Variants in ATG7 observed in about 807,000 individuals in gnomAD.
ATG7 encodes autophagy related 7, also known as ubiquitin-like modifier-activating enzyme ATG7.
In ATG7, 70 loss-of-function variants were observed where a neutral mutation model predicts 82.4. That is an observed-to-expected ratio of 0.85 (90% CI 0.70 to 1.04). The LOEUF is 1.04. ATG7 is among the 50% of genes least tolerant of loss of function. The pLI is 0.00. For synonymous variants in ATG7, 287 were observed against 313.0 expected (o/e 0.92, Z 0.88); for missense variants, 792 against 864.3 (o/e 0.92, Z 1.05).
intron 9 of ATG7, among the ~76,000 whole-genome samples, chr3:11,329,245 G>A (rs1316550714): frequency 1.3e-5 from 2 of 152,126 alleles, no homozygotes; most frequent in African/African-American, 4.8e-5. Context: ...AGGATGGTGG[G>A]GTTATGGGTA....
At chr3:11,476,425 T>TC (rs1222776907) in intron 20 of ATG7, among the ~76,000 whole-genome samples, 1 of 151,370 alleles carries the variant, frequency 6.6e-6, no homozygotes, top group African/African-American at 2.4e-5. Flanking sequence ...TTTCTTTTTT[T>TC]TTTTTTTTGG....
intron 19 of ATG7, among the ~76,000 whole-genome samples, chr3:11,415,555 AT>A (rs1459628222): frequency 6.6e-6 from 1 of 152,094 alleles, no homozygotes; most frequent in Non-Finnish European, 1.5e-5. Flanking sequence ...TCCTTTAAAA[AT>A]TTTTATTTTA....
At chr3:11,309,982 T>C (rs1158980575) in intron 7 of ATG7, among the ~76,000 whole-genome samples, 3 of 152,074 alleles carry the variant, frequency 2.0e-5, no homozygotes. Context: ...GAGACCAGCC[T>C]GGGCAACACC....
At chr3:11,362,669 A>G in intron 16 of ATG7, 144 bp from the exon 17 acceptor site, 1 of 601,784 alleles carries the variant, frequency 1.7e-6, no homozygotes, top group East Asian at 3.0e-5. Context: ...TCAAGAAATG[A>G]TGTACTTGAG....
intron 19 of ATG7, among the ~76,000 whole-genome samples, chr3:11,391,949 T>G (rs2078834045): frequency 1.0e-5 from 1 of 98,632 alleles, no homozygotes; most frequent in African/African-American, 3.9e-5. Flanking sequence ...AGAATTCCAT[T>G]GTACTTATTG....
At chr3:11,409,705 A>T (rs1012631453) in intron 19 of ATG7, among the ~76,000 whole-genome samples, 7 of 151,234 alleles carry the variant, frequency 4.6e-5, no homozygotes, top group African/African-American at 9.7e-5. Context: ...TTTGTGTTTT[A>T]TATGTAGGTA....
chr3:11,457,436 A>G (rs751714884), intron 20 of ATG7, among the ~76,000 whole-genome samples: 4 of 152,206 alleles, frequency 2.6e-5, no homozygotes, highest in Non-Finnish European at 5.9e-5. Context: ...GGGAATTTCA[A>G]GTGAAAGATA....
intron 20 of ATG7, among the ~76,000 whole-genome samples, chr3:11,498,839 G>C (rs565632423): frequency 1.1e-3 from 168 of 152,138 alleles, no homozygotes; most frequent in Non-Finnish European, 1.0e-3. Flanking sequence ...CCTTCTCTCT[G>C]AACTCCTGAA....
intron 20 of ATG7, among the ~76,000 whole-genome samples, chr3:11,475,834 T>C (rs1286707434): frequency 1.3e-5 from 2 of 148,862 alleles, no homozygotes; most frequent in Non-Finnish European, 3.0e-5. Flanking sequence ...ATTTCTTAAC[T>C]TTGGTTCGTC....
At chr3:11,329,880 G>A (rs1222332162) in intron 9 of ATG7, among the ~76,000 whole-genome samples, 1 of 152,198 alleles carries the variant, frequency 6.6e-6, no homozygotes, top group Non-Finnish European at 1.5e-5. Flanking sequence ...TCAGGATCCA[G>A]TCCAGGATAC....
At position 11,379,991 on chromosome 3, in the gene ATG7, G is replaced by C. The variant is rs866013637; in HGVS notation, c.1895G>C (p.Arg632Pro). The change falls in exon 19 of 21, where the codon CGG becomes CCG. Residue 632 changes from arginine to proline, a missense_variant. By Grantham distance (103) the Arg-to-Pro change is moderately radical. Coordinates refer to ENST00000693202, the MANE Select transcript of ATG7 (RefSeq NM_001349232.2). ...TTTTAGATCCGGGGATTTCTTTCAC[G>C]GTTTGATAATGTCCTTCCCGTCAGC... ...VPHQIRGFLS[R>P]FDNVLPVSLA... The C allele has an allele frequency of 6.2e-7, 1 of 1,614,076 alleles. No individual in the cohort carries two copies. Among genetic ancestry groups the C allele is most frequent in the African/African-American group, 1.3e-5 (1 of 75,036 alleles).
At chr3:11,446,823 A>ACT (rs1193987127) in intron 20 of ATG7, 2 of 182,590 alleles carry the variant, frequency 1.1e-5, no homozygotes, top group Non-Finnish European at 2.3e-5. Flanking sequence ...GGTCTCCTGG[A>ACT]CTGGGCCATG....
At chr3:11,532,154 A>G (rs2092705498) in intron 20 of ATG7, among the ~76,000 whole-genome samples, 1 of 152,192 alleles carries the variant, frequency 6.6e-6, no homozygotes, top group East Asian at 1.9e-4. Context: ...CCTAAGAGTC[A>G]AAAGAAGATT....
rs2072273691 is a variant in ATG7, at chr3:11,555,060, CT to C, written c.*219del. The C allele has an allele frequency of 1.8e-6, 1 of 570,948 alleles. No individual in the cohort carries two copies. Among genetic ancestry groups the C allele is most frequent in the East Asian group, 3.1e-5 (1 of 31,920 alleles). The allele number at this position is 570,948 out of a possible 1,614,324, so 35.4% of individuals were successfully genotyped here. On this transcript the variant is annotated 3_prime_UTR_variant, in exon 21 of 21. Transcript: ENST00000693202. ...TTCAGAGCTAAATAATAACCTTGGC[CT>C]TGGCCTTGCTATTGACCTGGGACTT... is the stretch of plus-strand genomic sequence containing the variant.
At position 11,384,998 on chromosome 3, in the gene ATG7, T is replaced by C. The variant is rs1575927508; in HGVS notation, c.1956+4946T>C. Among the ~76,000 whole-genome samples, 3 of 152,144 alleles carry C rather than the reference T, an allele frequency of 2.0e-5. No homozygotes were observed. The South Asian group carries it at 6.2e-4, about 32-fold the overall frequency. The stretch of plus-strand genomic sequence containing the variant: ...AGCATGAAATAACAAAAAGTCAACT[T>C]AGCTGCTTAAATAGTGTTTTTGTTT... On this transcript the variant is annotated intron_variant, in intron 19 of 20. Transcript: ENST00000693202.
At chr3:11,362,238 A>G (rs554414405) in intron 16 of ATG7, among the ~76,000 whole-genome samples, 8 of 152,332 alleles carry the variant, frequency 5.3e-5, no homozygotes, top group African/African-American at 1.7e-4. Flanking sequence ...TTGAACCAGC[A>G]AAGGCTTGTG....
intron 20 of ATG7, among the ~76,000 whole-genome samples, chr3:11,523,112 G>T (rs1339747668): frequency 1.3e-5 from 2 of 152,186 alleles, no homozygotes; most frequent in South Asian, 2.1e-4. Context: ...TTGGGTGTTT[G>T]TATTATAGCC....
At chr3:11,303,917 C>CAAAAAAAAA (rs55893689) in intron 5 of ATG7, among the ~76,000 whole-genome samples, 3 of 75,880 alleles carry the variant, frequency 4.0e-5, no homozygotes, top group East Asian at 3.9e-4. Flanking sequence ...ACTAAAAATG[C>CAAAAAAAAA]AAAAAAAAAA....
chr3:11,391,916 G>T (rs2078831446), intron 19 of ATG7, among the ~76,000 whole-genome samples: 1 of 140,242 alleles, frequency 7.1e-6, no homozygotes, highest in South Asian at 2.4e-4. Context: ...CTCAGACAGT[G>T]ATGTGGTAGG....
Sources: allele counts gnomAD v4.1 joint callset (sites outside exome capture counted in the v4.1 genomes callset), GRCh38; gene constraint gnomAD v4.1.1; transcripts MANE v1.5; gene names NCBI Gene and HGNC (gene_info 2026-07-23, HGNC 2026-07-21).